Variants in HFM1 observed in about 807,000 individuals in gnomAD.
The protein encoded by HFM1 is probable ATP-dependent DNA helicase HFM1.
HFM1 carries 169 observed loss-of-function variants against 192.1 expected under a neutral mutation model. The ratio of observed to expected loss-of-function variants is 0.88; its 90% CI spans 0.78 to 1.00. HFM1 has a LOEUF of 1.00. HFM1 is among the 50% of genes least tolerant of loss of function. The pLI, the probability that HFM1 is intolerant of heterozygous loss-of-function variation, is 0.00. For missense variants in HFM1, 1,661 were observed against 1,668.0 expected (o/e 1.00, Z 0.07); for synonymous variants, 525 against 537.8 (o/e 0.98, Z 0.33).
chr1:91,278,962 C>T (rs926923193), intron 30 of HFM1, among the ~76,000 whole-genome samples: 1 of 152,004 alleles, frequency 6.6e-6, no homozygotes, highest in Non-Finnish European at 1.5e-5. Flanking sequence ...AATGAAACAT[C>T]CCCCTCTTCT....
At chr1:91,349,188 G>A (rs1175223175) in intron 18 of HFM1, among the ~76,000 whole-genome samples, 2 of 151,970 alleles carry the variant, frequency 1.3e-5, no homozygotes, top group African/African-American at 4.8e-5. Context: ...ACTCAGAAGG[G>A]TAAGGCAGAG....
chr1:91,271,313 C>G (rs12562097), intron 34 of HFM1, among the ~76,000 whole-genome samples: 30,773 of 152,042 alleles, frequency 0.2, 3,890 homozygotes, highest in South Asian at 0.35. Context: ...AGCCAAGTAG[C>G]AACAGGCATA....
At chr1:91,283,381 C>T (rs1366548254) in intron 30 of HFM1, among the ~76,000 whole-genome samples, 1 of 152,064 alleles carries the variant, frequency 6.6e-6, no homozygotes, top group Non-Finnish European at 1.5e-5. Flanking sequence ...GTAGCTGGGA[C>T]TACAGGCATG....
At chr1:91,343,650 G>A in intron 19 of HFM1, 140 bp from the exon 20 acceptor site, 3 of 392,316 alleles carry the variant, frequency 7.6e-6, no homozygotes, top group Non-Finnish European at 1.4e-5. Context: ...TAAGCAGTAA[G>A]AGAAAGCTCA....
chr1:91,356,894 G>A (rs1657819112), intron 13 of HFM1, among the ~76,000 whole-genome samples: 1 of 152,108 alleles, frequency 6.6e-6, no homozygotes, highest in Non-Finnish European at 1.5e-5. Context: ...AACCTGCTAA[G>A]TTTGAATCAG....
chr1:91,342,226 C>T (rs759267883), intron 20 of HFM1, among the ~76,000 whole-genome samples: 13 of 148,894 alleles, frequency 8.7e-5, no homozygotes, highest in Admixed American at 3.4e-4. Flanking sequence ...TCCAGAAGCA[C>T]ATCAAAAAGC....
chr1:91,385,197 G>A lies in HFM1; in HGVS notation c.792C>T (p.Val264=). Residue 264 remains valine (V), a synonymous_variant, in exon 6 of 39, where the codon GTC becomes GTT. Coordinates refer to ENST00000370425, the MANE Select transcript of HFM1 (RefSeq NM_001017975.6). ...TENGLGSLKA[V]TEIPAKFRSI... is the part of the protein sequence containing the mutation. Reference sequence around the variant, plus strand: ...TAACTTAAAGGATACGAATTTCTGTGACAGCCTTCAAGGAACCTAAACCAT... The same window carrying A: ...TAACTTAAAGGATACGAATTTCTGTAACAGCCTTCAAGGAACCTAAACCAT... 2 of 1,554,384 alleles carry A rather than the reference G, an allele frequency of 1.3e-6. No homozygotes were observed. The highest frequency in any genetic ancestry group is 1.7e-5 in the Admixed American group (1 of 58,536).
intron 3 of HFM1, among the ~76,000 whole-genome samples, chr1:91,394,932 A>C (rs906570094): frequency 6.6e-6 from 1 of 151,988 alleles, no homozygotes; most frequent in African/African-American, 2.4e-5. Flanking sequence ...AGGGAAGTTT[A>C]GGGGGAATTT....
intron 11 of HFM1, among the ~76,000 whole-genome samples, chr1:91,377,092 G>A (rs1319573038): frequency 3.6e-4 from 1 of 2,774 alleles, no homozygotes; most frequent in Admixed American, 6.4e-3. Flanking sequence ...AAGGTGAAAT[G>A]CAGGTCAAAA....
At chr1:91,404,493 C>A in intron 1 of HFM1, 1 of 208,282 alleles carries the variant, frequency 4.8e-6, no homozygotes, top group Non-Finnish European at 9.7e-6. Flanking sequence ...ACCAATCAGC[C>A]GACTTTAGGG....
intron 35 of HFM1, among the ~76,000 whole-genome samples, chr1:91,267,085 G>C (rs776752101): frequency 6.6e-6 from 1 of 152,084 alleles, no homozygotes; most frequent in Non-Finnish European, 1.5e-5. Flanking sequence ...GCCCTAATGG[G>C]AGACAGTATC....
chr1:91,319,143 GC>G lies in HFM1; in HGVS notation c.2746del (p.Ala916LeufsTer24). 6.2e-7 allele frequency: 1 copy of G among 1,610,576 alleles called. No individual in the cohort carries two copies. The stretch of plus-strand genomic sequence containing the variant: ...CCAAAGTTTACACCTAAAACATTTA[GC>G]TAAAATCAAACTATTCAATAGTACA... ...FAVLLNSLIL[A>X]KCFRCKLWEN... On this transcript the variant is annotated frameshift_variant, in exon 25 of 39. Coordinates refer to ENST00000370425, the MANE Select transcript of HFM1 (RefSeq NM_001017975.6). LOFTEE classifies it high-confidence loss of function.
intron 15 of HFM1, 57 bp downstream of exon 15, chr1:91,352,994 T>C (rs1657157824): frequency 1.8e-6 from 2 of 1,136,376 alleles, no homozygotes; most frequent in African/African-American, 1.6e-5. Flanking sequence ...TTTTTTCCTC[T>C]TAAAAATAAT....
rs113214935 is a variant in HFM1 at position 91,322,873 on chromosome 1, T to C, written c.2582+77A>G. ...TCTGACTCATTTTTATGTAATCTTT[T>C]CTGTATTAAGAAAAACAAATTAAAA... On this transcript the variant is annotated intron_variant, in intron 23 of 38. Coordinates refer to ENST00000370425, the MANE Select transcript of HFM1 (RefSeq NM_001017975.6). 524 of 645,328 alleles carry C rather than the reference T, an allele frequency of 8.1e-4. No homozygotes were observed. The African/African-American group carries it at 8.8e-3, about 11-fold the overall frequency. The allele number at this position is 645,328 out of a possible 1,614,324, so 40.0% of individuals were successfully genotyped here. A position where few individuals can be genotyped will look rare whatever the true frequency, so the allele number is the denominator to read the frequency against.
chr1:91,311,361 C>G (rs1650414752), intron 30 of HFM1, among the ~76,000 whole-genome samples: 1 of 152,124 alleles, frequency 6.6e-6, no homozygotes, highest in Admixed American at 6.5e-5. Context: ...CATAAAAGTT[C>G]AGAAAATTTA....
At chr1:91,283,101 G>A (rs71668069) in intron 30 of HFM1, among the ~76,000 whole-genome samples, 7 of 152,048 alleles carry the variant, frequency 4.6e-5, no homozygotes, top group South Asian at 2.1e-4. Flanking sequence ...TTTTTGTTAC[G>A]AATGGTACTT....
chr1:91,401,728 C>T (rs916505320), intron 1 of HFM1, among the ~76,000 whole-genome samples: 15 of 152,012 alleles, frequency 9.9e-5, no homozygotes, highest in African/African-American at 3.4e-4. Flanking sequence ...AAAAAAATTA[C>T]AAGTTTAACA....
chr1:91,370,430 T>C (rs1275621772), intron 13 of HFM1, among the ~76,000 whole-genome samples: 1 of 152,176 alleles, frequency 6.6e-6, no homozygotes, highest in African/African-American at 2.4e-5. Context: ...GCAAGCCTGG[T>C]TCAACACACG....
Position 91,261,248 on chromosome 1 carries a change from CTT to C in HFM1, c.*40_*41del. 1.2e-6 allele frequency: 1 copy of C among 864,202 alleles called. No homozygotes were observed. The highest frequency in any genetic ancestry group is 1.6e-6 in the Non-Finnish European group (1 of 611,968). 53.5% of individuals were successfully genotyped at this position (864,202 alleles called of 1,614,324 possible). On this transcript the variant is annotated 3_prime_UTR_variant, in exon 39 of 39. Transcript: ENST00000370425. ...AAAAGCATGCTTTGTGATTAGGTGT[CTT>C]TATTCTTTCTCTTATCAATATAAAA...
Sources: gnomAD v4.1 joint callset for allele counts (sites outside exome capture counted in the v4.1 genomes callset) on GRCh38, gnomAD v4.1.1 for gene constraint, MANE v1.5 for transcripts, NCBI Gene and HGNC (gene_info 2026-07-23, HGNC 2026-07-21) for gene names.